The following PARD3B variants were observed in gnomAD, a reference collection of about 807,000 sequenced individuals.
PARD3B encodes par-3 family cell polarity regulator beta, also known as partitioning defective 3 homolog B.
Under a neutral mutation model 130.2 loss-of-function variants are expected in PARD3B, and 103 were observed. The ratio of observed to expected loss-of-function variants is 0.79; its 90% CI spans 0.67 to 0.93. PARD3B has a LOEUF of 0.93. Ranked by LOEUF, PARD3B falls within the 40% of genes least tolerant of loss-of-function variation. The pLI, the probability that PARD3B is intolerant of heterozygous loss-of-function variation, is 0.00. For missense variants in PARD3B, 1,609 were observed against 1,499.2 expected (o/e 1.07, Z -1.21); for synonymous variants, 583 against 553.2 (o/e 1.05, Z -0.76).
At chr2:205,162,117 T>G (rs565084882) in intron 11 of PARD3B, among the ~76,000 whole-genome samples, 6 of 152,272 alleles carry the variant, frequency 3.9e-5, no homozygotes, top group African/African-American at 1.4e-4. Flanking sequence ...AGGATGTAAA[T>G]CTCTATTTGG....
chr2:205,172,310 A>T lies in PARD3B; in HGVS notation c.1720A>T (p.Met574Leu). Residue 574 changes from methionine (M) to leucine (L), a missense_variant, in exon 12 of 23, where the codon ATG becomes TTG. Transcript: ENST00000406610. The stretch of plus-strand genomic sequence containing the variant: ...AGCTATGGAAACACTTAGGCGGTCA[A>T]TGTCCATGGAGGGAAACATCCGAGG... ...HEAMETLRRSMSMEGNIRGMI... is the reference protein window; with the variant it reads ...HEAMETLRRSLSMEGNIRGMI... 2 of 1,614,160 alleles carry T rather than the reference A, an allele frequency of 1.2e-6. No individual in the cohort carries two copies. Among genetic ancestry groups the T allele is most frequent in the Non-Finnish European group, 1.7e-6 (2 of 1,180,006 alleles).
chr2:205,406,882 G>T (rs942520460), intron 19 of PARD3B, among the ~76,000 whole-genome samples: 15 of 151,884 alleles, frequency 9.9e-5, no homozygotes, highest in African/African-American at 3.6e-4. Context: ...TGTTGGCCAG[G>T]ATGGCCTCAG....
At chr2:204,802,979 A>G (rs1437829116) in intron 2 of PARD3B, among the ~76,000 whole-genome samples, 1 of 142,128 alleles carries the variant, frequency 7.0e-6, no homozygotes, top group Non-Finnish European at 1.5e-5. Flanking sequence ...CCCAGAAACT[A>G]AAGTATAATA....
chr2:204,961,940 T>G (rs946508926), intron 2 of PARD3B, among the ~76,000 whole-genome samples: 2 of 152,110 alleles, frequency 1.3e-5, no homozygotes, highest in Non-Finnish European at 2.9e-5. Flanking sequence ...TACTGGAAAC[T>G]GCTGTGTAGA....
At chr2:205,371,389 G>T (rs948168487) in intron 18 of PARD3B, among the ~76,000 whole-genome samples, 1 of 152,094 alleles carries the variant, frequency 6.6e-6, no homozygotes, top group East Asian at 1.9e-4. Context: ...AAATGTGGCA[G>T]GTAGACACAT....
At chr2:205,124,607 AG>A (rs1481711391) in intron 9 of PARD3B, 141 bp downstream of exon 9, 2 of 607,492 alleles carry the variant, frequency 3.3e-6, no homozygotes, top group Non-Finnish European at 4.5e-6. Flanking sequence ...CTTATAGACA[AG>A]ATAAGAACTT....
chr2:204,792,627 A>G (rs1236341602), intron 2 of PARD3B, among the ~76,000 whole-genome samples: 1 of 152,252 alleles, frequency 6.6e-6, no homozygotes, highest in East Asian at 1.9e-4. Flanking sequence ...ACCACTGTCC[A>G]TTCTTCAGAT....
intron 16 of PARD3B, among the ~76,000 whole-genome samples, chr2:205,248,063 G>A (rs375007060): frequency 1.3e-5 from 2 of 151,870 alleles, no homozygotes; most frequent in African/African-American, 4.8e-5. Context: ...CGGATAGCTG[G>A]GACTACATGT....
At chr2:205,071,880 A>T (rs1700756600) in intron 4 of PARD3B, among the ~76,000 whole-genome samples, 2 of 151,870 alleles carry the variant, frequency 1.3e-5, no homozygotes, top group Admixed American at 6.6e-5. Context: ...ATTTTATCTT[A>T]AAAAAAACAA....
Position 205,550,040 on chromosome 2 carries a change from C to G in PARD3B, c.3181-3284C>G, listed in dbSNP as rs755706332. Among the ~76,000 whole-genome samples, 3 of 152,192 alleles carry G rather than the reference C, an allele frequency of 2.0e-5. No individual in the cohort carries two copies. The highest frequency in any genetic ancestry group is 4.4e-5 in the Non-Finnish European group (3 of 68,030). On this transcript the variant is annotated intron_variant, in intron 21 of 22. Transcript: ENST00000406610. This position sits in a 1 kb window ranked among gnomAD's most constrained non-coding sequence, Gnocchi z 4.5. ...AGTTGCTAGTTAGTAGTATTCTTTT[C>G]TTCATACCTTGTTTCTACCTTTGCA...
At chr2:204,776,237 C>G (rs756638836) in intron 2 of PARD3B, among the ~76,000 whole-genome samples, 15 of 152,114 alleles carry the variant, frequency 9.9e-5, no homozygotes, top group Non-Finnish European at 1.8e-4. Context: ...GATATGTTTT[C>G]TAGCTTTGGG....
chr2:205,330,197 C>T (rs9288364), intron 18 of PARD3B, among the ~76,000 whole-genome samples: 132,181 of 151,078 alleles, frequency 0.87, 58,039 homozygotes, highest in Admixed American at 0.92. Context: ...AGAAATTAGC[C>T]GGGCATGGTG....
At chr2:204,995,151 A>G (rs1694048720) in intron 3 of PARD3B, among the ~76,000 whole-genome samples, 1 of 152,136 alleles carries the variant, frequency 6.6e-6, no homozygotes, top group Non-Finnish European at 1.5e-5. Context: ...TTTGCTCATT[A>G]GTTGATGCAG....
intron 2 of PARD3B, among the ~76,000 whole-genome samples, chr2:204,742,381 A>G (rs1305754309): frequency 6.6e-6 from 1 of 152,140 alleles, no homozygotes; most frequent in Non-Finnish European, 1.5e-5. Context: ...AAATGAAGAT[A>G]AGTAGACCAG....
intron 2 of PARD3B, among the ~76,000 whole-genome samples, chr2:204,781,861 T>C (rs1337436186): frequency 6.6e-6 from 1 of 152,112 alleles, no homozygotes; most frequent in African/African-American, 2.4e-5. Flanking sequence ...CTTAACCGGC[T>C]GTTTATTTGT....
rs1441224214 is a variant in PARD3B at position 205,105,876 on chromosome 2, C to A, written c.593+1362C>A. On this transcript the variant is annotated intron_variant, in intron 5 of 22. Coordinates refer to ENST00000406610, the MANE Select transcript of PARD3B (RefSeq NM_001302769.2). The surrounding 1 kb of genome is among the most constrained non-coding windows in gnomAD (Gnocchi z 4.0). ...AATAAGATTATCTAATTATGTCTAC[C>A]TCCAGAAACTAATAAGATTGTTTCT... is the stretch of plus-strand genomic sequence containing the variant. Among the ~76,000 whole-genome samples the A allele has an allele frequency of 6.6e-6, 1 of 151,664 alleles. No homozygotes were observed. Among genetic ancestry groups the A allele is most frequent in the South Asian group, 2.1e-4 (1 of 4,814 alleles).
At chr2:205,431,691 G>A (rs925903604) in intron 19 of PARD3B, among the ~76,000 whole-genome samples, 2 of 151,832 alleles carry the variant, frequency 1.3e-5, no homozygotes, top group South Asian at 2.1e-4. Flanking sequence ...GGATGGTCTC[G>A]ATCTCCTGAC....
intron 18 of PARD3B, among the ~76,000 whole-genome samples, chr2:205,338,146 C>A (rs1439581428): frequency 2.4e-5 from 3 of 123,448 alleles, no homozygotes; most frequent in African/African-American, 3.5e-5. Flanking sequence ...GAGTGAGACT[C>A]CATCTCAAAA....
chr2:204,715,202 ATAG>A (rs1372865542), intron 2 of PARD3B, among the ~76,000 whole-genome samples: 1 of 152,210 alleles, frequency 6.6e-6, no homozygotes, highest in Admixed American at 6.5e-5. Flanking sequence ...AATGATTAAA[ATAG>A]TAGTTATTAC....
Sources: allele counts gnomAD v4.1 joint callset (sites outside exome capture counted in the v4.1 genomes callset), GRCh38; gene constraint gnomAD v4.1.1; non-coding constraint Gnocchi (gnomAD v3.1); transcripts MANE v1.5; gene names NCBI Gene and HGNC (gene_info 2026-07-23, HGNC 2026-07-21).